Variants in NKD1 observed in about 807,000 individuals in gnomAD.
The protein encoded by NKD1 is NKD inhibitor of Wnt signaling pathway 1.
In NKD1, 21 loss-of-function variants were observed where a neutral mutation model predicts 56.0. That is an observed-to-expected ratio of 0.38 (90% CI 0.27 to 0.54). NKD1 has a LOEUF of 0.54. Ranked by LOEUF, NKD1 falls within the 20% of genes least tolerant of loss-of-function variation. The pLI, the probability that NKD1 is intolerant of heterozygous loss-of-function variation, is 0.82. For synonymous variants in NKD1, 263 were observed against 265.7 expected (o/e 0.99, Z 0.10); for missense variants, 578 against 642.7 (o/e 0.90, Z 1.09).
rs188281494 is a variant in NKD1, at chr16:50,595,870, C to T, written c.193-12424C>T. On this transcript the variant is annotated intron_variant, in intron 3 of 9. Transcript: ENST00000268459. ...TGATGTGGGCTGTTGACTGGACCTG[C>T]AGGGGCAGGCAGTGGCCTTCTAGAT... Among the ~76,000 whole-genome samples the T allele has an allele frequency of 5.3e-5, 8 of 152,300 alleles. No homozygotes were observed. The East Asian group carries it at 1.5e-3, about 29-fold the overall frequency.
At chr16:50,574,185 C>T (rs1307308841) in intron 3 of NKD1, 3 of 982,856 alleles carry the variant, frequency 3.1e-6, no homozygotes, top group Non-Finnish European at 3.6e-6. Flanking sequence ...TTCATTCTAC[C>T]TCACCACTAC....
At chr16:50,616,496 G>A (rs530115637) in intron 4 of NKD1, among the ~76,000 whole-genome samples, 78 of 152,304 alleles carry the variant, frequency 5.1e-4, no homozygotes, top group African/African-American at 1.6e-3. Flanking sequence ...AGAAGGTATG[G>A]CATATTTGTT....
At chr16:50,608,042 A>G in intron 3 of NKD1, 1 of 500,134 alleles carries the variant, frequency 2.0e-6, no homozygotes, top group Non-Finnish European at 3.6e-6. Context: ...GAAATGTGGG[A>G]GGCATGATGG....
At chr16:50,608,085 T>C in intron 3 of NKD1, 3 of 568,168 alleles carry the variant, frequency 5.3e-6, no homozygotes, top group East Asian at 3.0e-5. Context: ...TGTGGTGGCC[T>C]GAATGTTGTG....
At chr16:50,601,445 C>T (rs567935634) in intron 3 of NKD1, among the ~76,000 whole-genome samples, 3 of 152,328 alleles carry the variant, frequency 2.0e-5, no homozygotes, top group Admixed American at 6.5e-5. Flanking sequence ...CGAGTGCCTG[C>T]GTGGTACCAG....
chr16:50,625,812 C>T (rs1596755036), intron 6 of NKD1, among the ~76,000 whole-genome samples: 1 of 150,078 alleles, frequency 6.7e-6, no homozygotes, highest in South Asian at 2.1e-4. Context: ...TGCTCTCAGC[C>T]CAGGCACTGT....
Position 50,633,072 on chromosome 16 carries a change from C to T in NKD1, c.824-120C>T, listed in dbSNP as rs1452846352. ...TTCCTGCAAGGCAGTGAGGGGCAGT[C>T]AGGGCATTGGGGGGTAGCTCTGGTT... On this transcript the variant is annotated intron_variant, in intron 9 of 9. Transcript: ENST00000268459. This position sits in a 1 kb window ranked among gnomAD's most constrained non-coding sequence, Gnocchi z 4.9. 1.2e-6 allele frequency: 1 copy of T among 865,530 alleles called. No individual in the cohort carries two copies. The highest frequency in any genetic ancestry group is 1.7e-6 in the Non-Finnish European group (1 of 588,100). 53.6% of individuals were successfully genotyped at this position (865,530 alleles called of 1,614,324 possible). A position where few individuals can be genotyped will look rare whatever the true frequency, so the allele number is the denominator to read the frequency against.
chr16:50,622,926 G>T (rs1480557956), intron 5 of NKD1, among the ~76,000 whole-genome samples: 1 of 152,132 alleles, frequency 6.6e-6, no homozygotes, highest in African/African-American at 2.4e-5. Context: ...GGGGTGTGGG[G>T]TAACGGACAC....
chr16:50,598,272 C>T lies in NKD1; in HGVS notation c.193-10022C>T, dbSNP rs1381630950. 2.7e-5 allele frequency among the ~76,000 whole-genome samples: 4 copies of T among 146,876 alleles called. No individual in the cohort carries two copies. The highest frequency in any genetic ancestry group is 1.1e-4 in the African/African-American group (4 of 36,602). ...GTGTGTGTGTGTGTGTGCGCGCACA[C>T]CTGTGCTCATGGACACTCTTGTCCT... On this transcript the variant is annotated intron_variant, in intron 3 of 9. Coordinates refer to ENST00000268459, the MANE Select transcript of NKD1 (RefSeq NM_033119.5). This position sits in a 1 kb window ranked among gnomAD's most constrained non-coding sequence, Gnocchi z 4.2.
chr16:50,576,057 G>A (rs953461363), intron 3 of NKD1, among the ~76,000 whole-genome samples: 3 of 152,238 alleles, frequency 2.0e-5, no homozygotes, highest in African/African-American at 7.2e-5. Context: ...AGCCCACCAA[G>A]CCTCCTACCT....
intron 3 of NKD1, among the ~76,000 whole-genome samples, chr16:50,588,085 A>G (rs2151271017): frequency 6.6e-6 from 1 of 152,358 alleles, no homozygotes; most frequent in Admixed American, 6.5e-5. Flanking sequence ...ATTTGGGTGG[A>G]CAGCAAATGA....
chr16:50,549,592 CT>C, intron 3 of NKD1, 37 bp downstream of exon 3: 2 of 1,524,362 alleles, frequency 1.3e-6, no homozygotes, highest in Non-Finnish European at 1.8e-6. Flanking sequence ...TCCTGGCCTC[CT>C]TTCAGCCTCA....
intron 3 of NKD1, among the ~76,000 whole-genome samples, chr16:50,600,714 T>A (rs1027522146): frequency 2.6e-5 from 4 of 152,116 alleles, no homozygotes; most frequent in African/African-American, 9.7e-5. Flanking sequence ...TGGCTGAGGT[T>A]CAGGATTGGG....
intron 3 of NKD1, chr16:50,575,248 G>A: frequency 1.0e-6 from 1 of 985,448 alleles, no homozygotes; most frequent in African/African-American, 1.7e-5. Flanking sequence ...AGGGAGGCCA[G>A]TCTTCTGGGG....
At chr16:50,602,225 T>G (rs1961612326) in intron 3 of NKD1, among the ~76,000 whole-genome samples, 1 of 152,138 alleles carries the variant, frequency 6.6e-6, no homozygotes. Context: ...ACATAGAACT[T>G]GAGGCCCAGA....
At chr16:50,620,983 C>T (rs894239388) in intron 4 of NKD1, among the ~76,000 whole-genome samples, 4 of 152,170 alleles carry the variant, frequency 2.6e-5, no homozygotes. Context: ...TGTGAGTGTG[C>T]ATATGTGTGC....
At position 50,623,898 on chromosome 16, in the gene NKD1, C is replaced by T. The variant is rs1189473589; in HGVS notation, c.367-1587C>T. Among the ~76,000 whole-genome samples the T allele has an allele frequency of 2.6e-5, 4 of 151,812 alleles. No homozygotes were observed. Among genetic ancestry groups the T allele is most frequent in the Non-Finnish European group, 5.9e-5 (4 of 67,954 alleles). On this transcript the variant is annotated intron_variant, in intron 5 of 9. Coordinates refer to ENST00000268459, the MANE Select transcript of NKD1 (RefSeq NM_033119.5). This position sits in a 1 kb window ranked among gnomAD's most constrained non-coding sequence, Gnocchi z 4.1. ...TATGTATGTAGGCACGTGTGTCATG[C>T]CACATGAACAGTGCCTCAGAGAGCA...
At chr16:50,614,749 C>G (rs1032707405) in intron 4 of NKD1, among the ~76,000 whole-genome samples, 17 of 152,192 alleles carry the variant, frequency 1.1e-4, no homozygotes, top group Admixed American at 9.8e-4. Context: ...CTAGTATCAC[C>G]TCACACAGGC....
intron 4 of NKD1, among the ~76,000 whole-genome samples, chr16:50,619,235 G>A (rs1340983430): frequency 6.6e-6 from 1 of 151,894 alleles, no homozygotes; most frequent in Non-Finnish European, 1.5e-5. Flanking sequence ...GTGAGTAGAG[G>A]ATGCTGCAGG....
Sources: gnomAD v4.1 joint callset for allele counts (sites outside exome capture counted in the v4.1 genomes callset) on GRCh38, gnomAD v4.1.1 for gene constraint, Gnocchi (gnomAD v3.1) non-coding constraint, MANE v1.5 for transcripts, NCBI Gene and HGNC (gene_info 2026-07-23, HGNC 2026-07-21) for gene names.